Variants in SPTBN2 observed in about 807,000 individuals in gnomAD.
SPTBN2 encodes the protein spectrin beta chain, non-erythrocytic 2.
Under a neutral mutation model 284.2 loss-of-function variants are expected in SPTBN2, and 107 were observed. The observed-to-expected ratio is 0.38, with a 90% CI of 0.32 to 0.44. SPTBN2 has a LOEUF of 0.44. SPTBN2 is among the 20% of genes least tolerant of loss of function. The pLI, the probability that SPTBN2 is intolerant of heterozygous loss-of-function variation, is 1.00. For synonymous variants in SPTBN2, 1,289 were observed against 1,354.8 expected (o/e 0.95, Z 1.07); for missense variants, 2,569 against 3,287.1 (o/e 0.78, Z 5.34).
intron 1 of SPTBN2, among the ~76,000 whole-genome samples, chr11:66,726,066 A>T (rs1029968004): frequency 2.6e-5 from 4 of 152,200 alleles, no homozygotes; most frequent in African/African-American, 9.7e-5. Context: ...CTCATTGAGG[A>T]CAAGGGCTGT....
At chr11:66,686,766 C>T in intron 36 of SPTBN2, 2 of 663,732 alleles carry the variant, frequency 3.0e-6, no homozygotes, top group Non-Finnish European at 5.2e-6. Flanking sequence ...TAATTTTTCA[C>T]CTTGACATTG....
intron 19 of SPTBN2, 90 bp from the exon 20 acceptor site, chr11:66,698,875 C>T: frequency 1.2e-6 from 2 of 1,602,280 alleles, no homozygotes; most frequent in East Asian, 4.5e-5. Flanking sequence ...AAGTGGGCGC[C>T]TTGGGAAGAA....
Position 66,687,916 on chromosome 11 carries a change from G to A in SPTBN2, c.6453C>T (p.Pro2151=). ...GVCTDGEPSQ[P]LLGQQRLEHS... ...GCTCAAGTCTCTGTTGTCCCAGCAG[G>A]GGCTGCAAGGACAAGAATCTGTAAA... Residue 2151 remains proline (P), a splice_region_variant and synonymous_variant, in exon 34 of 38, where the codon CCC becomes CCT. Coordinates refer to ENST00000533211, the MANE Select transcript of SPTBN2 (RefSeq NM_006946.4). The surrounding 1 kb of genome is among the most constrained non-coding windows in gnomAD (Gnocchi z 5.2). 6.2e-7 allele frequency: 1 copy of A among 1,614,182 alleles called. No individual in the cohort carries two copies. The highest frequency in any genetic ancestry group is 1.1e-5 in the South Asian group (1 of 91,082).
intron 1 of SPTBN2, among the ~76,000 whole-genome samples, chr11:66,740,854 T>C (rs1337012948): frequency 1.3e-5 from 2 of 152,100 alleles, no homozygotes; most frequent in Non-Finnish European, 1.5e-5. Context: ...TTTAGGGCAT[T>C]TGAAAGCTCT....
chr11:66,691,744 C>G lies in SPTBN2; in HGVS notation c.5191-86G>C. The G allele has an allele frequency of 6.3e-7, 1 of 1,592,158 alleles. No homozygotes were observed. The highest frequency in any genetic ancestry group is 8.5e-7 in the Non-Finnish European group (1 of 1,170,738). On this transcript the variant is annotated intron_variant, in intron 26 of 37. Transcript: ENST00000533211. The surrounding 1 kb of genome is among the most constrained non-coding windows in gnomAD (Gnocchi z 8.0). ...GATGGAGCGAGTCCTCCACTCCAAACTCAGAACCCACCTCTCCCCGCTGCA... is the reference window on the plus strand; with the variant it reads ...GATGGAGCGAGTCCTCCACTCCAAAGTCAGAACCCACCTCTCCCCGCTGCA...
chr11:66,702,937 CAAA>C (rs1170116245), intron 15 of SPTBN2, among the ~76,000 whole-genome samples: 6 of 42,630 alleles, frequency 1.4e-4, no homozygotes, highest in Non-Finnish European at 1.9e-4. Context: ...GACTCCGTCT[CAAA>C]AAAAAAAAAA....
Position 66,708,866 on chromosome 11 carries a change from G to T in SPTBN2, c.1191+36C>A, listed in dbSNP as rs1175824152. On this transcript the variant is annotated intron_variant, in intron 11 of 37. Coordinates refer to ENST00000533211, the MANE Select transcript of SPTBN2 (RefSeq NM_006946.4). The surrounding 1 kb of genome is among the most constrained non-coding windows in gnomAD (Gnocchi z 4.4). ...GTGCAAGGCATCTGGGCCAGGGCCT[G>T]CCCTGAGGGTGGGTGGCCTGTGGGC... 2.5e-6 allele frequency: 4 copies of T among 1,577,376 alleles called. No individual in the cohort carries two copies. Among genetic ancestry groups the T allele is most frequent in the Non-Finnish European group, 3.5e-6 (4 of 1,147,304 alleles).
chr11:66,707,867 T>C lies in SPTBN2; in HGVS notation c.1351-49A>G. 1 of 1,593,862 alleles carries C rather than the reference T, an allele frequency of 6.3e-7. No individual in the cohort carries two copies. The highest frequency in any genetic ancestry group is 8.5e-7 in the Non-Finnish European group (1 of 1,174,610). On this transcript the variant is annotated intron_variant, in intron 12 of 37. Coordinates refer to ENST00000533211, the MANE Select transcript of SPTBN2 (RefSeq NM_006946.4). The surrounding 1 kb of genome is among the most constrained non-coding windows in gnomAD (Gnocchi z 4.9). Reference sequence around the variant, plus strand: ...GGTGTGGGGACCAAGGGACAGTGCCTCTGCCTGCTCCTCTGTCCTGCAGGG... The same window carrying C: ...GGTGTGGGGACCAAGGGACAGTGCCCCTGCCTGCTCCTCTGTCCTGCAGGG...
intron 3 of SPTBN2, among the ~76,000 whole-genome samples, chr11:66,719,174 A>G (rs944544173): frequency 6.6e-6 from 1 of 152,260 alleles, no homozygotes; most frequent in African/African-American, 2.4e-5. Flanking sequence ...TCAAAGAGGA[A>G]AAGCCAGGCA....
rs368125962 is a variant in SPTBN2, at chr11:66,693,326, G to A, written c.4714C>T (p.Arg1572Cys). Residue 1572 changes from arginine (R) to cysteine (C), a missense_variant, in exon 24 of 38, where the codon CGC becomes TGC. Transcript: ENST00000533211. The surrounding 1 kb of genome is among the most constrained non-coding windows in gnomAD (Gnocchi z 5.7). ...CGAAGTTCCAGCTCGTGGCCCAGGC[G>A]TTTCCACATTTCCTGCAGCTCAGCC... ...ELAELQEMWKRLGHELELRGK... is the reference protein window; with the variant it reads ...ELAELQEMWKCLGHELELRGK... 11 of 1,611,326 alleles carry A rather than the reference G, an allele frequency of 6.8e-6. No homozygotes were observed. Among genetic ancestry groups the A allele is most frequent in the African/African-American group, 5.3e-5 (4 of 74,936 alleles).
At chr11:66,730,870 C>G (rs1186761802), upstream of SPTBN2, among the ~76,000 whole-genome samples, 2 of 152,176 alleles carry the variant, frequency 1.3e-5, no homozygotes, top group East Asian at 1.9e-4. Flanking sequence ...AGTGAATGTA[C>G]AAGTTCACAG....
Position 66,707,447 on chromosome 11 carries a change from G to T in SPTBN2, c.1653+69C>A, listed in dbSNP as rs1941619672. On this transcript the variant is annotated intron_variant, in intron 13 of 37. Coordinates refer to ENST00000533211, the MANE Select transcript of SPTBN2 (RefSeq NM_006946.4). The surrounding 1 kb of genome is among the most constrained non-coding windows in gnomAD (Gnocchi z 4.9). ...CAGAGATCGGCCGAGCAGACGGGCG[G>T]ACGCACCCACTGTGGGGCCCCCTCG... 2.0e-6 allele frequency: 3 copies of T among 1,501,904 alleles called. No individual in the cohort carries two copies. The highest frequency in any genetic ancestry group is 1.4e-5 in the African/African-American group (1 of 72,214). 93.0% of individuals were successfully genotyped at this position (1,501,904 alleles called of 1,614,324 possible).
At chr11:66,702,638 C>T (rs1479525705) in intron 15 of SPTBN2, among the ~76,000 whole-genome samples, 1 of 151,858 alleles carries the variant, frequency 6.6e-6, no homozygotes, top group East Asian at 1.9e-4. Context: ...AGCTCTGTTC[C>T]AGTAAAACTT....
At chr11:66,729,552 G>T (rs879759558), upstream of SPTBN2, among the ~76,000 whole-genome samples, 5 of 152,136 alleles carry the variant, frequency 3.3e-5, no homozygotes, top group Non-Finnish European at 7.4e-5. Context: ...TTCTGAAAAG[G>T]TATGCATACT....
rs755931260 is a variant in SPTBN2, at chr11:66,701,619, G to A, written c.2781C>T (p.Asp927=). 1.2e-6 allele frequency: 2 copies of A among 1,614,064 alleles called. No individual in the cohort carries two copies. The highest frequency in any genetic ancestry group is 1.7e-5 in the Admixed American group (1 of 60,008). Residue 927 remains aspartate, a synonymous_variant, in exon 16 of 38, where the codon GAC becomes GAT. Transcript: ENST00000533211. ...QLLKANPPGK[D]RIVNTQEQLN... ...GCTGCTCCTGGGTGTTGACAATGCG[G>A]TCTTTGCCTGGGGGGTTGGCCTTCA...
chr11:66,720,005 G>A (rs1376605098), intron 3 of SPTBN2, among the ~76,000 whole-genome samples: 1 of 152,194 alleles, frequency 6.6e-6, no homozygotes, highest in East Asian at 1.9e-4. Flanking sequence ...CCTCAGACTG[G>A]TGCTGAGCTG....
At chr11:66,726,717 C>T (rs1037791394) in intron 1 of SPTBN2, among the ~76,000 whole-genome samples, 2 of 152,124 alleles carry the variant, frequency 1.3e-5, no homozygotes, top group Admixed American at 6.5e-5. Flanking sequence ...GGGAGGAGAA[C>T]GGCAGAGCTA....
intron 16 of SPTBN2, 139 bp downstream of exon 16, chr11:66,701,445 T>A: frequency 6.5e-7 from 1 of 1,541,428 alleles, no homozygotes; most frequent in Non-Finnish European, 8.9e-7. Flanking sequence ...TCATCCTTTT[T>A]CCTTCCCCAA....
At position 66,691,362 on chromosome 11, in the gene SPTBN2, G is replaced by C. The variant is rs770527956; in HGVS notation, c.5487C>G (p.Gly1829=). 1 of 1,587,148 alleles carries C rather than the reference G, an allele frequency of 6.3e-7. No individual in the cohort carries two copies. Among genetic ancestry groups the C allele is most frequent in the Admixed American group, 1.7e-5 (1 of 58,888 alleles). ...GGGCCTCGGCAGCGTTGAGGTCGCGGCCAGTCCCGTCCGGAAGCTGCTGCT... is the reference window on the plus strand; with the variant it reads ...GGGCCTCGGCAGCGTTGAGGTCGCGCCCAGTCCCGTCCGGAAGCTGCTGCT... The part of the protein sequence containing the change: ...HKQQQLPDGT[G]RDLNAAEALQ... Residue 1829 remains glycine (G), a synonymous_variant, in exon 27 of 38, where the codon GGC becomes GGG. Transcript: ENST00000533211. The surrounding 1 kb of genome is among the most constrained non-coding windows in gnomAD (Gnocchi z 8.0).
Sources: gnomAD v4.1 joint callset for allele counts (sites outside exome capture counted in the v4.1 genomes callset) on GRCh38, gnomAD v4.1.1 for gene constraint, Gnocchi (gnomAD v3.1) non-coding constraint, MANE v1.5 for transcripts, NCBI Gene and HGNC (gene_info 2026-07-23, HGNC 2026-07-21) for gene names.